The following TUSC3 variants were observed in gnomAD, a reference collection of about 807,000 sequenced individuals.
TUSC3 encodes tumor suppressor candidate 3.
TUSC3 carries 45 observed loss-of-function variants against 44.8 expected under a neutral mutation model. That is an observed-to-expected ratio of 1.00 (90% confidence interval 0.79 to 1.29). The LOEUF (loss-of-function observed/expected upper bound fraction) is 1.29. Ranked by LOEUF, TUSC3 falls within the 50% of genes most tolerant of loss-of-function variation. TUSC3 has a pLI of 0.00. For synonymous variants in TUSC3, 212 were observed against 152.9 expected, an observed-to-expected ratio of 1.39 and a Z score of -2.85; for missense variants, 519 against 437.9, an observed-to-expected ratio of 1.19 and a Z score of -1.65.
At chr8:15,777,407 A>G in the TUSC3 span, among the ~76,000 whole-genome samples, 1 of 152,182 alleles carries the variant, frequency 6.6e-6, no homozygotes, top group Admixed American at 6.5e-5. Context: ...GAGATTTATC[A>G]TATCTTGGTG....
intron 1 of TUSC3, among the ~76,000 whole-genome samples, chr8:15,610,923 G>A (rs1804735872): frequency 6.6e-6 from 1 of 152,108 alleles, no homozygotes; most frequent in East Asian, 1.9e-4. Flanking sequence ...AACTAAAAGA[G>A]TGTTACTGGA....
At chr8:15,678,352 A>G (rs1210052538) in intron 6 of TUSC3, among the ~76,000 whole-genome samples, 2 of 152,212 alleles carry the variant, frequency 1.3e-5, no homozygotes, top group Non-Finnish European at 2.9e-5. Context: ...TATGGGTAGT[A>G]TACTACTCAT....
chr8:15,605,788 G>A (rs1313459296), intron 1 of TUSC3, among the ~76,000 whole-genome samples: 1 of 151,980 alleles, frequency 6.6e-6, no homozygotes, highest in Non-Finnish European at 1.5e-5. Flanking sequence ...TGAGGGAAAT[G>A]TAAACAAACA....
intron 2 of TUSC3, among the ~76,000 whole-genome samples, chr8:15,533,748 G>GGC: frequency 6.6e-6 from 1 of 152,182 alleles, no homozygotes; most frequent in Non-Finnish European, 1.5e-5. Context: ...AAGGTTTCAG[G>GGC]GCGAGAGAAG....
At chr8:15,699,876 AG>A (rs1476762952) in intron 6 of TUSC3, among the ~76,000 whole-genome samples, 1 of 152,202 alleles carries the variant, frequency 6.6e-6, no homozygotes, top group Non-Finnish European at 1.5e-5. Flanking sequence ...GTGCTATAGA[AG>A]GAAGAATTAT....
At chr8:15,614,765 C>G (rs1379394980) in intron 1 of TUSC3, among the ~76,000 whole-genome samples, 5 of 151,966 alleles carry the variant, frequency 3.3e-5, no homozygotes, top group Non-Finnish European at 7.4e-5. Context: ...TTGCCTTGGA[C>G]ATAGTAATCT....
intron 1 of TUSC3, among the ~76,000 whole-genome samples, chr8:15,546,051 T>C (rs1801850702): frequency 6.6e-6 from 1 of 151,886 alleles, no homozygotes; most frequent in African/African-American, 2.4e-5. Context: ...GTTCCCCAGC[T>C]GGAAAACAAG....
chr8:15,444,794 T>A (rs915676174), intron 1 of TUSC3, among the ~76,000 whole-genome samples: 1 of 152,134 alleles, frequency 6.6e-6, no homozygotes, highest in Non-Finnish European at 1.5e-5. Context: ...CTTCTTACCC[T>A]CTTAAAATGG....
intron 1 of TUSC3, among the ~76,000 whole-genome samples, chr8:15,434,258 G>A (rs1340392083): frequency 6.6e-6 from 1 of 152,066 alleles, no homozygotes; most frequent in Non-Finnish European, 1.5e-5. Context: ...TGAAGTGTCT[G>A]TTAAAGCCTT....
At chr8:15,638,319 C>T (rs1243177377) in intron 2 of TUSC3, among the ~76,000 whole-genome samples, 1 of 151,936 alleles carries the variant, frequency 6.6e-6, no homozygotes. Context: ...CTTTTTATCC[C>T]AGTTACTGTA....
chr8:15,761,206 A>T (rs1812155474), intron 10 of TUSC3, among the ~76,000 whole-genome samples: 1 of 152,164 alleles, frequency 6.6e-6, no homozygotes, highest in Non-Finnish European at 1.5e-5. Context: ...AACCTATGGA[A>T]TATTAATCCT....
chr8:15,820,607 G>A, the TUSC3 span, among the ~76,000 whole-genome samples: 1 of 151,992 alleles, frequency 6.6e-6, no homozygotes, highest in East Asian at 1.9e-4. Flanking sequence ...CGTGAGCCAC[G>A]GCAGCCAGCC....
At chr8:15,573,403 G>A (rs1206021692) in intron 1 of TUSC3, among the ~76,000 whole-genome samples, 2 of 151,628 alleles carry the variant, frequency 1.3e-5, no homozygotes, top group South Asian at 2.1e-4. Context: ...ACACAATAGC[G>A]TGGCGGTGGG....
At chr8:15,739,641 C>A (rs974911106) in intron 7 of TUSC3, among the ~76,000 whole-genome samples, 1 of 152,076 alleles carries the variant, frequency 6.6e-6, no homozygotes, top group Non-Finnish European at 1.5e-5. Context: ...TGAGTTATTG[C>A]AAACTTATTT....
At chr8:15,763,360 T>G (rs1221250907) in intron 10 of TUSC3, among the ~76,000 whole-genome samples, 1 of 151,900 alleles carries the variant, frequency 6.6e-6, no homozygotes, top group East Asian at 1.9e-4. Flanking sequence ...TTACCTACTT[T>G]GGACATTTTT....
chr8:15,795,898 A>G, the TUSC3 span, among the ~76,000 whole-genome samples: 8 of 152,208 alleles, frequency 5.3e-5, no homozygotes, highest in Non-Finnish European at 8.8e-5. Flanking sequence ...TCTACCCCCC[A>G]GAATGCCACA....
chr8:15,622,275 TAA>T (rs1391314805), intron 1 of TUSC3, among the ~76,000 whole-genome samples: 1 of 152,022 alleles, frequency 6.6e-6, no homozygotes, highest in East Asian at 1.9e-4. Flanking sequence ...GTTCTAAAGA[TAA>T]GAGCCTTTTT....
chr8:15,721,191 T>C (rs902184461), intron 6 of TUSC3, among the ~76,000 whole-genome samples: 1 of 152,050 alleles, frequency 6.6e-6, no homozygotes, highest in Non-Finnish European at 1.5e-5. Context: ...TACAGAGTGG[T>C]TACATAGCTT....
At chr8:15,665,615 A>G (rs1807621425) in intron 5 of TUSC3, among the ~76,000 whole-genome samples, 1 of 151,304 alleles carries the variant, frequency 6.6e-6, no homozygotes, top group Non-Finnish European at 1.5e-5. Flanking sequence ...ATAGGAAATT[A>G]GTATATGTAA....
Sources: gnomAD v4.1 joint callset for allele counts (sites outside exome capture counted in the v4.1 genomes callset) on GRCh38, gnomAD v4.1.1 for gene constraint, MANE v1.5 for transcripts, NCBI Gene and HGNC (gene_info 2026-07-23, HGNC 2026-07-21) for gene names.